EPHA5: variants seen among roughly 807,000 people sequenced by gnomAD.
The protein encoded by EPHA5 is ephrin type-A receptor 5.
In EPHA5, 60 loss-of-function variants were observed where a neutral mutation model predicts 105.0. The ratio of observed to expected loss-of-function variants is 0.57; its 90% CI spans 0.46 to 0.71. The LOEUF (loss-of-function observed/expected upper bound fraction) is 0.71, where lower values mean the gene tolerates loss of function less well. Among genes scored for constraint, EPHA5 ranks in the 30% least tolerant of loss-of-function variants. EPHA5 has a pLI of 0.00. For missense variants in EPHA5, 1,218 were observed against 1,274.7 expected, an observed-to-expected ratio of 0.96 and a Z score of 0.68; for synonymous variants, 513 against 449.1, an observed-to-expected ratio of 1.14 and a Z score of -1.80.
intron 5 of EPHA5, among the ~76,000 whole-genome samples, chr4:65,465,519 GAA>G (rs1240783395): frequency 2.3e-5 from 2 of 86,976 alleles, no homozygotes; most frequent in Admixed American, 1.3e-4. Flanking sequence ...AAGAAAGAAA[GAA>G]AGAAAGAAAA....
At chr4:65,395,708 T>C (rs970717057) in intron 8 of EPHA5, among the ~76,000 whole-genome samples, 2 of 152,210 alleles carry the variant, frequency 1.3e-5, no homozygotes, top group African/African-American at 4.8e-5. Flanking sequence ...AGGTACATGA[T>C]TTGAACATGA....
At chr4:65,465,508 AAAG>A (rs1384416288) in intron 5 of EPHA5, among the ~76,000 whole-genome samples, 7 of 121,676 alleles carry the variant, frequency 5.8e-5, no homozygotes, top group Non-Finnish European at 9.1e-5. Flanking sequence ...AGAAAGAAAG[AAAG>A]AAAGAAAGAA....
intron 2 of EPHA5, among the ~76,000 whole-genome samples, chr4:65,622,037 G>A (rs987245102): frequency 2.0e-5 from 3 of 152,088 alleles, no homozygotes; most frequent in Admixed American, 2.0e-4. Flanking sequence ...TAAGTAGTAT[G>A]ATTAAAACTT....
At chr4:65,459,509 T>C (rs1256922333) in intron 5 of EPHA5, among the ~76,000 whole-genome samples, 3 of 151,858 alleles carry the variant, frequency 2.0e-5, no homozygotes, top group Non-Finnish European at 3.0e-5. Flanking sequence ...ATTAGTTGAA[T>C]AAAAGGCTAT....
chr4:65,465,003 A>G (rs1264287348), intron 5 of EPHA5, among the ~76,000 whole-genome samples: 3 of 152,216 alleles, frequency 2.0e-5, no homozygotes, highest in Non-Finnish European at 4.4e-5. Context: ...GACAAATAAG[A>G]ACATTACAAC....
chr4:65,367,250 AC>A (rs995606702), intron 9 of EPHA5, 106 bp downstream of exon 9: 42 of 905,794 alleles, frequency 4.6e-5, no homozygotes, highest in South Asian at 1.6e-4. Context: ...AAAAAAAAAA[AC>A]AATATTTTGG....
intron 8 of EPHA5, among the ~76,000 whole-genome samples, chr4:65,388,872 G>C (rs1197510521): frequency 1.3e-5 from 2 of 151,712 alleles, no homozygotes; most frequent in Admixed American, 6.6e-5. Flanking sequence ...TGGTGTTTTA[G>C]GCATGAAGTC....
intron 3 of EPHA5, among the ~76,000 whole-genome samples, chr4:65,505,740 C>A (rs1270853660): frequency 1.3e-5 from 2 of 152,050 alleles, no homozygotes; most frequent in South Asian, 4.1e-4. Flanking sequence ...TCTTCTCAAG[C>A]AAAACTAGCA....
intron 3 of EPHA5, among the ~76,000 whole-genome samples, chr4:65,587,117 A>G (rs1024536753): frequency 1.3e-5 from 2 of 152,110 alleles, no homozygotes; most frequent in Admixed American, 6.6e-5. Flanking sequence ...CTTCAAACTG[A>G]AAGTCTCCTC....
intron 3 of EPHA5, among the ~76,000 whole-genome samples, chr4:65,589,206 C>T (rs1011142400): frequency 2.6e-5 from 4 of 151,848 alleles, no homozygotes; most frequent in Admixed American, 6.6e-5. Flanking sequence ...AACTAAAACT[C>T]GATTTCTTTG....
chr4:65,453,914 G>A lies in EPHA5; in HGVS notation c.1403-33349C>T, dbSNP rs1454647278. On this transcript the variant is annotated intron_variant, in intron 5 of 16. Coordinates refer to ENST00000613740, the MANE Select transcript of EPHA5 (RefSeq NM_001281766.3). ...CTCTCCTTCTGCCTTATGCTGCCTC[G>A]GTTGAATTCTTTCTTCTGAGAAGGC... 3.3e-5 allele frequency among the ~76,000 whole-genome samples: 5 copies of A among 152,026 alleles called. No homozygotes were observed. In the South Asian group the frequency reaches 6.2e-4, roughly 19 times the overall value.
chr4:65,331,292 A>G, intron 16 of EPHA5: 1 of 1,032,304 alleles, frequency 9.7e-7, no homozygotes, highest in African/African-American at 1.7e-5. Context: ...GTATATAATA[A>G]AATACAAACA....
chr4:65,367,282 A>T (rs1341030814), intron 9 of EPHA5, 75 bp downstream of exon 9: 1 of 1,229,340 alleles, frequency 8.1e-7, no homozygotes, highest in Non-Finnish European at 1.2e-6. Flanking sequence ...TAAATCTTGT[A>T]GCCTGAAAAG....
intron 2 of EPHA5, among the ~76,000 whole-genome samples, chr4:65,607,164 ATTACTAAC>A (rs1744307941): frequency 6.6e-6 from 1 of 151,914 alleles, no homozygotes; most frequent in African/African-American, 2.4e-5. Context: ...CTGATTTCAA[ATTACTAAC>A]TCACTGATGT....
intron 6 of EPHA5, among the ~76,000 whole-genome samples, chr4:65,416,522 A>T (rs62297996): frequency 0.8 from 121,934 of 151,648 alleles, 49,372 homozygotes; most frequent in South Asian, 0.92. Context: ...AAAAGCTTCC[A>T]CAGTTGTAAA....
At chr4:65,636,672 T>C (rs937388332) in intron 2 of EPHA5, among the ~76,000 whole-genome samples, 4 of 152,164 alleles carry the variant, frequency 2.6e-5, no homozygotes, top group African/African-American at 9.7e-5. Context: ...ATGTGCCAAA[T>C]ACAGAATACG....
chr4:65,412,449 A>T (rs1723000455), intron 7 of EPHA5, among the ~76,000 whole-genome samples: 1 of 152,110 alleles, frequency 6.6e-6, no homozygotes, highest in Non-Finnish European at 1.5e-5. Context: ...ATACATAAAG[A>T]TCAAAAGGGA....
intron 11 of EPHA5, among the ~76,000 whole-genome samples, chr4:65,357,058 T>A (rs1577905029): frequency 6.6e-6 from 1 of 151,594 alleles, no homozygotes; most frequent in East Asian, 1.9e-4. Flanking sequence ...CTTTATATTA[T>A]TTACTGAAGG....
chr4:65,584,420 C>T lies in EPHA5; in HGVS notation c.910+17221G>A, dbSNP rs191558162. Among the ~76,000 whole-genome samples the T allele has an allele frequency of 1.4e-4, 21 of 151,892 alleles. No individual in the cohort carries two copies. The East Asian group carries it at 2.5e-3, about 18-fold the overall frequency. ...ATTTCTTTTCCAAAATTCTCTTGCA[C>T]GAACTTGACGATAAAGCCCTTTTCG... is the stretch of plus-strand genomic sequence containing the variant. On this transcript the variant is annotated intron_variant, in intron 3 of 16. Coordinates refer to ENST00000613740, the MANE Select transcript of EPHA5 (RefSeq NM_001281766.3).
Sources: allele counts gnomAD v4.1 joint callset (sites outside exome capture counted in the v4.1 genomes callset), GRCh38; gene constraint gnomAD v4.1.1; transcripts MANE v1.5; gene names NCBI Gene and HGNC (gene_info 2026-07-23, HGNC 2026-07-21).